MARCHF1: variants seen among roughly 807,000 people sequenced by gnomAD.
MARCHF1 encodes membrane associated ring-CH-type finger 1.
A neutral mutation model predicts 54.2 loss-of-function variants in MARCHF1; 40 were observed. The observed-to-expected ratio is 0.74, with a 90% confidence interval of 0.57 to 0.96. The LOEUF (loss-of-function observed/expected upper bound fraction) is 0.96. MARCHF1 is among the 40% of genes least tolerant of loss of function. The pLI, the probability that MARCHF1 is intolerant of heterozygous loss-of-function variation, is 0.00. For missense variants in MARCHF1, 586 were observed against 656.5 expected, an observed-to-expected ratio of 0.89 and a Z score of 1.17; for synonymous variants, 236 against 236.3, an observed-to-expected ratio of 1.00 and a Z score of 0.01.
chr4:163,883,905 T>C (rs1264098791), intron 3 of MARCHF1, among the ~76,000 whole-genome samples: 1 of 152,090 alleles, frequency 6.6e-6, no homozygotes, highest in African/African-American at 2.4e-5. Flanking sequence ...AAATAGCAAA[T>C]TGGTATTCAT....
chr4:164,169,950 A>G (rs1730479455), intron 1 of MARCHF1, among the ~76,000 whole-genome samples: 1 of 152,102 alleles, frequency 6.6e-6, no homozygotes, highest in South Asian at 2.1e-4. Flanking sequence ...CCCTTCATTT[A>G]ACAACAGTAA....
At chr4:163,922,220 G>T (rs1473187702) in intron 3 of MARCHF1, among the ~76,000 whole-genome samples, 3 of 151,632 alleles carry the variant, frequency 2.0e-5, no homozygotes, top group Non-Finnish European at 4.4e-5. Context: ...TTGTGGGGTG[G>T]GGGGAGTGGG....
chr4:163,962,601 G>C (rs193081651), intron 3 of MARCHF1, among the ~76,000 whole-genome samples: 1 of 151,840 alleles, frequency 6.6e-6, no homozygotes, highest in African/African-American at 2.4e-5. Flanking sequence ...ATTCTGCTTA[G>C]GCATTCAAAT....
rs929381420 is a variant in MARCHF1 at position 163,860,698 on chromosome 4, G to A, written c.-38-6529C>T. On this transcript the variant is annotated intron_variant, in intron 3 of 9. Transcript: ENST00000514618. The stretch of plus-strand genomic sequence containing the variant: ...TACCAACAAGGCTTAAGGTAAAACA[G>A]TGATGTATAGCTTAAAGAACTGCAA... Among the ~76,000 whole-genome samples the A allele has an allele frequency of 1.4e-4, 21 of 152,182 alleles. 1 individual carries two copies. The highest frequency in any genetic ancestry group is 1.5e-5 in the Non-Finnish European group (1 of 68,024).
chr4:164,199,932 G>A (rs1731409017), intron 1 of MARCHF1, among the ~76,000 whole-genome samples: 1 of 151,996 alleles, frequency 6.6e-6, no homozygotes, highest in Non-Finnish European at 1.5e-5. Flanking sequence ...GCAAACTATT[G>A]GAAGTTCCCA....
Position 163,854,015 on chromosome 4 carries a change from A to G in MARCHF1, c.111+6T>C. 4.6e-6 allele frequency: 7 copies of G among 1,535,944 alleles called. No individual in the cohort carries two copies. Among genetic ancestry groups the G allele is most frequent in the Non-Finnish European group, 5.2e-6 (6 of 1,146,288 alleles). ...CCAATTTGAGGTAAAGTAACTTTCC[A>G]CTCACCAATGTGGAGGTTTGTGAGG... On this transcript the variant is annotated splice_donor_region_variant and intron_variant, in intron 4 of 9. Transcript: ENST00000514618.
chr4:164,043,438 A>G (rs994757771), intron 2 of MARCHF1, among the ~76,000 whole-genome samples: 3 of 152,126 alleles, frequency 2.0e-5, no homozygotes, highest in Non-Finnish European at 2.9e-5. Context: ...ACTTTTAGCC[A>G]CAGCTGGAGC....
chr4:163,714,966 G>A (rs1745215072), intron 4 of MARCHF1, among the ~76,000 whole-genome samples: 1 of 152,154 alleles, frequency 6.6e-6, no homozygotes, highest in Non-Finnish European at 1.5e-5. Context: ...ATAGGCATGA[G>A]CCACTGCACC....
At chr4:163,933,215 C>T in intron 3 of MARCHF1, 1 of 734,326 alleles carries the variant, frequency 1.4e-6, no homozygotes, top group East Asian at 3.8e-5. Flanking sequence ...TCAGACAGTG[C>T]AGGAGAAGAA....
intron 1 of MARCHF1, among the ~76,000 whole-genome samples, chr4:164,211,411 T>TATAC (rs1731771891): frequency 6.6e-6 from 1 of 150,632 alleles, no homozygotes. Flanking sequence ...TATATATATA[T>TATAC]ACCAATTGCA....
At chr4:164,203,463 G>A (rs539310510) in intron 1 of MARCHF1, among the ~76,000 whole-genome samples, 1 of 152,214 alleles carries the variant, frequency 6.6e-6, no homozygotes, top group African/African-American at 2.4e-5. Flanking sequence ...GCTGTCTATT[G>A]GTCTTGTTCC....
intron 4 of MARCHF1, among the ~76,000 whole-genome samples, chr4:163,733,177 G>GTATATA (rs1169850987): frequency 5.7e-5 from 1 of 17,546 alleles, no homozygotes; most frequent in African/African-American, 2.5e-4. Context: ...CTGTATGTGT[G>GTATATA]TATATATATA....
chr4:163,823,851 T>C (rs1461094666), intron 4 of MARCHF1, among the ~76,000 whole-genome samples: 1 of 148,144 alleles, frequency 6.8e-6, no homozygotes, highest in African/African-American at 2.5e-5. Flanking sequence ...TCAATGTGCT[T>C]TGAGACAAAA....
At chr4:164,349,385 T>C (rs1025836921) in intron 1 of MARCHF1, among the ~76,000 whole-genome samples, 1 of 152,160 alleles carries the variant, frequency 6.6e-6, no homozygotes, top group Non-Finnish European at 1.5e-5. Flanking sequence ...AAATAAGACA[T>C]AATAATATGA....
In MARCHF1 at chr4:164,264,830, G is replaced by A. The variant is rs1277891955; in HGVS notation, c.-323+119040C>T. 2.3e-4 allele frequency among the ~76,000 whole-genome samples: 35 copies of A among 150,986 alleles called. 1 individual carries two copies. The highest frequency in any genetic ancestry group is 2.3e-3 in the Admixed American group (35 of 15,122). On this transcript the variant is annotated intron_variant, in intron 1 of 9. Coordinates refer to ENST00000514618, the MANE Select transcript of MARCHF1 (RefSeq NM_001394959.1). ...AGCTACTAGGGAGGCTGAGGTAGGAGAATCCCTTGAACCCAGGAGGTGGAG... is the reference window on the plus strand; with the variant it reads ...AGCTACTAGGGAGGCTGAGGTAGGAAAATCCCTTGAACCCAGGAGGTGGAG...
intron 1 of MARCHF1, chr4:164,330,166 A>G (rs1348514934): frequency 7.7e-6 from 1 of 129,154 alleles, no homozygotes; most frequent in Non-Finnish European, 1.7e-5. Context: ...GCTTCTGTGA[A>G]GGAAGGTTAA....
At chr4:163,715,917 T>C (rs1441042979) in intron 4 of MARCHF1, among the ~76,000 whole-genome samples, 4 of 152,156 alleles carry the variant, frequency 2.6e-5, no homozygotes, top group Admixed American at 2.0e-4. Context: ...GTTATAATAA[T>C]ATAGTTCAGG....
At position 163,816,220 on chromosome 4, in the gene MARCHF1, T is replaced by C. The variant is rs143932366; in HGVS notation, c.111+37801A>G. 5.2e-3 allele frequency among the ~76,000 whole-genome samples: 789 copies of C among 152,262 alleles called. 6 individuals carry two copies. The highest frequency in any genetic ancestry group is 0.017 in the African/African-American group (723 of 41,542). On this transcript the variant is annotated intron_variant, in intron 4 of 9. Coordinates refer to ENST00000514618, the MANE Select transcript of MARCHF1 (RefSeq NM_001394959.1). The stretch of plus-strand genomic sequence containing the variant: ...AAACTGCTGCGAAGGCATTGAAAAA[T>C]TGGCTAGGTAAGGAAATAAAACCTG...
At chr4:163,552,652 A>G (rs1739144839) in intron 8 of MARCHF1, among the ~76,000 whole-genome samples, 1 of 152,082 alleles carries the variant, frequency 6.6e-6, no homozygotes, top group Non-Finnish European at 1.5e-5. Flanking sequence ...CTATAGACAC[A>G]CTCAGGCCTC....
Sources: allele counts gnomAD v4.1 joint callset (sites outside exome capture counted in the v4.1 genomes callset), GRCh38; gene constraint gnomAD v4.1.1; transcripts MANE v1.5; gene names NCBI Gene and HGNC (gene_info 2026-07-23, HGNC 2026-07-21).